Variants in KHDRBS2 observed in about 807,000 individuals in gnomAD.
KHDRBS2 encodes KH RNA binding domain containing, signal transduction associated 2.
KHDRBS2 carries 26 observed loss-of-function variants against 44.3 expected under a neutral mutation model. The ratio of observed to expected loss-of-function variants is 0.59; its 90% CI spans 0.43 to 0.81. The LOEUF (loss-of-function observed/expected upper bound fraction) is 0.81. Among genes scored for constraint, KHDRBS2 ranks in the 40% least tolerant of loss-of-function variants. The pLI, the probability that KHDRBS2 is intolerant of heterozygous loss-of-function variation, is 0.00. For synonymous variants in KHDRBS2, 194 were observed against 151.1 expected (o/e 1.28, Z -2.08); for missense variants, 476 against 433.1 (o/e 1.10, Z -0.88).
chr6:62,055,899 C>T (rs1202834542), intron 2 of KHDRBS2, among the ~76,000 whole-genome samples: 1 of 151,970 alleles, frequency 6.6e-6, no homozygotes, highest in African/African-American at 2.4e-5. Context: ...GATGTGGCAG[C>T]CCCACAGACC....
intron 7 of KHDRBS2, among the ~76,000 whole-genome samples, chr6:61,698,591 A>G (rs1768187629): frequency 6.6e-6 from 1 of 152,096 alleles, no homozygotes; most frequent in African/African-American, 2.4e-5. Flanking sequence ...GTTAGATCAT[A>G]TTAGCTCCCT....
chr6:61,550,462 C>T, the KHDRBS2 span, among the ~76,000 whole-genome samples: 1 of 152,080 alleles, frequency 6.6e-6, no homozygotes, highest in Admixed American at 6.6e-5. Context: ...AGACTGATTC[C>T]ATATCTTTGT....
At chr6:61,738,858 C>A (rs1210818572) in intron 6 of KHDRBS2, among the ~76,000 whole-genome samples, 1 of 151,798 alleles carries the variant, frequency 6.6e-6, no homozygotes. Flanking sequence ...TGCATATGAG[C>A]TTAAAATAAT....
At chr6:61,703,461 G>T (rs904867811) in intron 7 of KHDRBS2, among the ~76,000 whole-genome samples, 1 of 151,610 alleles carries the variant, frequency 6.6e-6, no homozygotes, top group African/African-American at 2.4e-5. Flanking sequence ...GCATTTAAGG[G>T]GGTATTCTTA....
chr6:61,875,542 A>G (rs186991558), intron 6 of KHDRBS2, among the ~76,000 whole-genome samples: 130 of 152,290 alleles, frequency 8.5e-4, no homozygotes, highest in African/African-American at 3.1e-3. Context: ...ACTCTGAGAA[A>G]TAGGTTCCAT....
At chr6:61,900,716 T>C (rs906952395) in intron 5 of KHDRBS2, among the ~76,000 whole-genome samples, 2 of 152,234 alleles carry the variant, frequency 1.3e-5, no homozygotes, top group Non-Finnish European at 2.9e-5. Context: ...ATGTTATCTG[T>C]ATCTATCTCT....
the KHDRBS2 span, among the ~76,000 whole-genome samples, chr6:61,543,737 G>T: frequency 6.6e-6 from 1 of 151,986 alleles, no homozygotes; most frequent in East Asian, 1.9e-4. Context: ...GCAAACATGT[G>T]GTACATATAC....
intron 2 of KHDRBS2, among the ~76,000 whole-genome samples, chr6:62,124,586 T>C (rs866407983): frequency 6.9e-6 from 1 of 145,006 alleles, no homozygotes; most frequent in Non-Finnish European, 1.5e-5. Context: ...TGAACTATAC[T>C]ACACACACAC....
Position 62,052,016 on chromosome 6 carries a change from A to AT in KHDRBS2, c.220-4023dup, listed in dbSNP as rs1428039255. ...TTTACTTGAGTGAGCAGAAAAGGGTATTTTTTGTAGACTGCCCATGGGAAT... is the reference window on the plus strand; with the variant it reads ...TTTACTTGAGTGAGCAGAAAAGGGTATTTTTTTGTAGACTGCCCATGGGAAT... On this transcript the variant is annotated intron_variant, in intron 2 of 8. Transcript: ENST00000281156. 3.9e-5 allele frequency among the ~76,000 whole-genome samples: 6 copies of AT among 152,012 alleles called. No individual in the cohort carries two copies. In the East Asian group the frequency reaches 7.8e-4, roughly 20 times the overall value.
Position 62,108,578 on chromosome 6 carries a change from C to G in KHDRBS2, c.220-60584G>C, listed in dbSNP as rs544223710. 1.4e-3 allele frequency among the ~76,000 whole-genome samples: 214 copies of G among 152,158 alleles called. 1 individual carries two copies. Among genetic ancestry groups the G allele is most frequent in the African/African-American group, 4.9e-3 (204 of 41,518 alleles). On this transcript the variant is annotated intron_variant, in intron 2 of 8. Transcript: ENST00000281156. ...TCTAGAACTAGAAATACCATTTGAC[C>G]CAGCCATCCCATTACTGGGTATATA...
chr6:61,576,642 G>A, the KHDRBS2 span, among the ~76,000 whole-genome samples: 1 of 152,038 alleles, frequency 6.6e-6, no homozygotes, highest in African/African-American at 2.4e-5. Flanking sequence ...TTGAGCTTTT[G>A]AGAAATAGCT....
intron 3 of KHDRBS2, among the ~76,000 whole-genome samples, chr6:61,999,107 A>G (rs897275886): frequency 6.6e-6 from 1 of 152,074 alleles, no homozygotes; most frequent in African/African-American, 2.4e-5. Context: ...CAATTTGAAA[A>G]TATTCAGTAA....
intron 4 of KHDRBS2, among the ~76,000 whole-genome samples, chr6:61,954,127 A>G (rs1324123551): frequency 1.3e-5 from 2 of 152,104 alleles, no homozygotes; most frequent in East Asian, 1.9e-4. Flanking sequence ...AAGGCATAAC[A>G]CTGAGAAATA....
the KHDRBS2 span, among the ~76,000 whole-genome samples, chr6:61,593,541 T>C: frequency 1.3e-5 from 2 of 151,768 alleles, no homozygotes; most frequent in Non-Finnish European, 2.9e-5. Flanking sequence ...CTACCAAAGA[T>C]AAATTATAGT....
At chr6:61,972,196 C>A (rs187038242) in intron 4 of KHDRBS2, among the ~76,000 whole-genome samples, 58 of 152,256 alleles carry the variant, frequency 3.8e-4, no homozygotes, top group Non-Finnish European at 7.5e-4. Context: ...TTTTATCTGT[C>A]TTCCAAGTTA....
At chr6:61,604,301 C>CT in the KHDRBS2 span, among the ~76,000 whole-genome samples, 4 of 6,146 alleles carry the variant, frequency 6.5e-4, no homozygotes, top group Non-Finnish European at 3.5e-3. Context: ...GGCATCAGAT[C>CT]CATTGCTCAG....
At chr6:62,011,635 C>G (rs774192376) in intron 3 of KHDRBS2, among the ~76,000 whole-genome samples, 2 of 152,144 alleles carry the variant, frequency 1.3e-5, no homozygotes, top group African/African-American at 4.8e-5. Flanking sequence ...ACCATTAATA[C>G]TCTTGGCTAG....
At chr6:62,199,274 A>T (rs1457156716) in intron 1 of KHDRBS2, among the ~76,000 whole-genome samples, 3 of 152,160 alleles carry the variant, frequency 2.0e-5, no homozygotes, top group Admixed American at 1.3e-4. Flanking sequence ...AGGTCATTCA[A>T]TTAGGAAAAA....
intron 6 of KHDRBS2, among the ~76,000 whole-genome samples, chr6:61,872,548 G>T (rs181229701): frequency 1.1e-4 from 16 of 152,020 alleles, no homozygotes; most frequent in African/African-American, 3.6e-4. Flanking sequence ...GGACACCTAG[G>T]CCTAAAAGAT....
Sources: gnomAD v4.1 joint callset for allele counts (sites outside exome capture counted in the v4.1 genomes callset) on GRCh38, gnomAD v4.1.1 for gene constraint, MANE v1.5 for transcripts, NCBI Gene and HGNC (gene_info 2026-07-23, HGNC 2026-07-21) for gene names.